The following SMOC1 variants were observed in gnomAD, a reference collection of about 807,000 sequenced individuals.
The protein encoded by SMOC1 is SPARC-related modular calcium-binding protein 1.
SMOC1 carries 22 observed loss-of-function variants against 56.3 expected under a neutral mutation model. The ratio of observed to expected loss-of-function variants is 0.39; its 90% CI spans 0.28 to 0.56. The LOEUF is 0.56. Ranked by LOEUF, SMOC1 falls within the 20% of genes least tolerant of loss-of-function variation. The pLI is 0.61. For missense variants in SMOC1, 509 were observed against 565.4 expected (o/e 0.90, Z 1.01); for synonymous variants, 193 against 215.0 (o/e 0.90, Z 0.89).
chr14:69,971,237 C>T lies in SMOC1; in HGVS notation c.379-4478C>T, dbSNP rs1403723769. On this transcript the variant is annotated intron_variant, in intron 3 of 11. Transcript: ENST00000361956. ...TTCACCATGTTGGCCAGGCTGGTCT[C>T]GAACTCCTGATCTCCAGTGATCTGC... is the stretch of plus-strand genomic sequence containing the variant. Among the ~76,000 whole-genome samples, 5 of 152,140 alleles carry T rather than the reference C, an allele frequency of 3.3e-5. 1 individual carries two copies. The highest frequency in any genetic ancestry group is 4.1e-4 in the South Asian group (2 of 4,820).
intron 1 of SMOC1, among the ~76,000 whole-genome samples, chr14:69,931,645 T>G (rs1885168606): frequency 6.6e-6 from 1 of 152,184 alleles, no homozygotes; most frequent in Non-Finnish European, 1.5e-5. Context: ...AGAGAGCCAT[T>G]AGATGTTTAG....
chr14:69,931,789 G>A (rs930006904), intron 1 of SMOC1, among the ~76,000 whole-genome samples: 2 of 152,242 alleles, frequency 1.3e-5, no homozygotes, highest in East Asian at 1.9e-4. Flanking sequence ...GGTGGGGAAG[G>A]AGAGAAAGAA....
In SMOC1 at chr14:69,977,952, C is replaced by T; in HGVS notation, c.513C>T (p.Asn171=). The part of the protein sequence containing the change: ...SVTDKPLSQG[N]SGRKDDGSKP... The stretch of plus-strand genomic sequence containing the variant: ...CCGACAAGCCCTTGAGCCAGGGTAA[C>T]TCAGGAAGGAAAGGTGAGTGGAGTT... The change falls in exon 5 of 12, where the codon AAC becomes AAT. Residue 171 remains asparagine (N), a synonymous_variant. Transcript: ENST00000361956. 6.2e-7 allele frequency: 1 copy of T among 1,613,958 alleles called. No homozygotes were observed. Among genetic ancestry groups the T allele is most frequent in the Non-Finnish European group, 8.5e-7 (1 of 1,179,848 alleles).
At chr14:69,883,090 CTAGCTAATTAATGATAGCAT>C (rs1376816559) in intron 1 of SMOC1, among the ~76,000 whole-genome samples, 1 of 152,292 alleles carries the variant, frequency 6.6e-6, no homozygotes, top group African/African-American at 2.4e-5. Context: ...ATAGTTAAAT[CTAGCTAATTAATGATAGCAT>C]TACCTCGCAT....
rs116401679 is a variant in SMOC1 at position 69,952,959 on chromosome 14, C to T, written c.266-461C>T. Among the ~76,000 whole-genome samples the T allele has an allele frequency of 9.4e-3, 1,433 of 152,186 alleles. 26 individuals carry two copies. The highest frequency in any genetic ancestry group is 0.031 in the African/African-American group (1,291 of 41,494). The stretch of plus-strand genomic sequence containing the variant: ...TTATATCTTTTTCCTGAGTCCTGTA[C>T]GTATTTGAATTTGTGACCCCGGACT... On this transcript the variant is annotated intron_variant, in intron 2 of 11. Transcript: ENST00000361956.
chr14:69,898,595 T>C (rs1884157748), intron 1 of SMOC1, among the ~76,000 whole-genome samples: 2 of 152,204 alleles, frequency 1.3e-5, no homozygotes, highest in Admixed American at 6.5e-5. Context: ...GAATTCTTCA[T>C]TTCTTTTATA....
chr14:70,030,631 T>C lies in SMOC1; in HGVS notation c.*373T>C, dbSNP rs1392139900. 4 of 223,446 alleles carry C rather than the reference T, an allele frequency of 1.8e-5. No individual in the cohort carries two copies. The highest frequency in any genetic ancestry group is 5.2e-5 in the Admixed American group (1 of 19,362). 13.8% of individuals were successfully genotyped at this position (223,446 alleles called of 1,614,324 possible). A position where few individuals can be genotyped will look rare whatever the true frequency, so the allele number is the denominator to read the frequency against. On this transcript the variant is annotated 3_prime_UTR_variant, in exon 12 of 12. Coordinates refer to ENST00000361956, the MANE Select transcript of SMOC1 (RefSeq NM_001034852.3). ...ATATATGTAAATTGTATAGTTCTTT[T>C]GTACAGGCATTGGCATTGCTGTTTG...
chr14:69,947,351 G>A (rs1335167445), intron 1 of SMOC1, among the ~76,000 whole-genome samples: 1 of 151,878 alleles, frequency 6.6e-6, no homozygotes, highest in Non-Finnish European at 1.5e-5. Context: ...AAAATTTTTT[G>A]TAGAGACAGT....
chr14:69,979,502 G>C (rs1884097347), intron 5 of SMOC1, among the ~76,000 whole-genome samples: 1 of 152,198 alleles, frequency 6.6e-6, no homozygotes, highest in South Asian at 2.1e-4. Context: ...AGTGGGGAGA[G>C]AATCTACAAA....
intron 1 of SMOC1, among the ~76,000 whole-genome samples, chr14:69,888,405 C>G (rs1883868362): frequency 6.6e-6 from 1 of 152,210 alleles, no homozygotes; most frequent in Non-Finnish European, 1.5e-5. Context: ...TGCATACTTC[C>G]TGGACGTCAC....
rs45447998 is a variant in SMOC1 at position 70,030,818 on chromosome 14, G to A, written c.*560G>A. 0.032 allele frequency: 4,891 copies of A among 152,698 alleles called. 114 individuals are homozygous for A. The highest frequency in any genetic ancestry group is 0.045 in the Non-Finnish European group (3,108 of 68,436). 9.5% of individuals were successfully genotyped at this position (152,698 alleles called of 1,614,324 possible). On this transcript the variant is annotated 3_prime_UTR_variant, in exon 12 of 12. Transcript: ENST00000361956. Reference sequence around the variant, plus strand: ...CCTGCAATTGTACTGCGGACTCCACGAGTTCTTTTCTGGTGGGAGGACTAT... The same window carrying A: ...CCTGCAATTGTACTGCGGACTCCACAAGTTCTTTTCTGGTGGGAGGACTAT...
intron 10 of SMOC1, among the ~76,000 whole-genome samples, chr14:70,019,453 G>C (rs1368031662): frequency 1.3e-5 from 2 of 152,202 alleles, no homozygotes; most frequent in Non-Finnish European, 2.9e-5. Flanking sequence ...GTGGACAAGC[G>C]AGTGCTGTTA....
At chr14:69,921,245 G>T (rs1884833647) in intron 1 of SMOC1, among the ~76,000 whole-genome samples, 5 of 152,154 alleles carry the variant, frequency 3.3e-5, no homozygotes, top group Admixed American at 6.5e-5. Context: ...TTCTGCCTTG[G>T]TCATTACATC....
chr14:70,010,242 T>G (rs554674458), intron 7 of SMOC1, among the ~76,000 whole-genome samples: 1 of 152,344 alleles, frequency 6.6e-6, no homozygotes, highest in Admixed American at 6.5e-5. Context: ...CTGCTCCTCC[T>G]GGGTGCCGAG....
chr14:69,953,457 A>T lies in SMOC1; in HGVS notation c.303A>T (p.Gln101His), dbSNP rs1883077401. 1 of 1,614,132 alleles carries T rather than the reference A, an allele frequency of 6.2e-7. No homozygotes were observed. The highest frequency in any genetic ancestry group is 8.5e-7 in the Non-Finnish European group (1 of 1,180,034). Residue 101 changes from glutamine (Q) to histidine (H), a missense_variant, in exon 3 of 12, where the codon CAA becomes CAT. Physicochemically the swap from Gln to His is conservative, Grantham distance 24. Around this residue, in one of 3 missense-constraint regions of SMOC1, gnomAD observed 315 missense variants for 333.1 expected, o/e 0.95. Coordinates refer to ENST00000361956, the MANE Select transcript of SMOC1 (RefSeq NM_001034852.3). ...GQSKCRLERAQALEQAKKPQE... is the reference protein window; with the variant it reads ...GQSKCRLERAHALEQAKKPQE... ...GCAAGTGTCGCCTGGAGCGGGCTCA[A>T]GCCCTGGAGCAAGCCAAGAAGCCTC...
rs147104678 is a variant in SMOC1 at position 69,965,115 on chromosome 14, C to T, written c.379-10600C>T. On this transcript the variant is annotated intron_variant, in intron 3 of 11. Transcript: ENST00000361956. ...TGACTAGGCCGGGTGCAGTAGCGCA[C>T]GCCTGTAATCCCAGCACTTTGGGAG... 9.1e-4 allele frequency among the ~76,000 whole-genome samples: 139 copies of T among 152,166 alleles called. 1 individual carries two copies. Among genetic ancestry groups the T allele is most frequent in the African/African-American group, 3.0e-3 (123 of 41,534 alleles).
chr14:69,977,647 A>G (rs1884015066), intron 4 of SMOC1, among the ~76,000 whole-genome samples: 1 of 152,222 alleles, frequency 6.6e-6, no homozygotes, highest in African/African-American at 2.4e-5. Context: ...TGAGTGTGGA[A>G]TTTTGTAAAA....
intron 5 of SMOC1, among the ~76,000 whole-genome samples, chr14:69,990,542 G>A (rs1201191326): frequency 2.6e-5 from 4 of 152,190 alleles, no homozygotes; most frequent in Non-Finnish European, 5.9e-5. Flanking sequence ...AACCAAATGT[G>A]CATTGCAGCT....
At chr14:70,030,202 C>CTTTTTTTTT in intron 11 of SMOC1, 40 bp from the exon 12 acceptor site, 4 of 1,514,508 alleles carry the variant, frequency 2.6e-6, no homozygotes, top group Admixed American at 3.9e-5. Context: ...TGCCCCCGAC[C>CTTTTTTTTT]TTTTTTTTTT....
Sources: gnomAD v4.1 joint callset for allele counts (sites outside exome capture counted in the v4.1 genomes callset) on GRCh38, gnomAD v4.1.1 for gene constraint, gnomAD v4.1.1 regional missense constraint, MANE v1.5 for transcripts, NCBI Gene and HGNC (gene_info 2026-07-23, HGNC 2026-07-21) for gene names.